RIC3: variants seen among roughly 807,000 people sequenced by gnomAD.
RIC3 encodes RIC3 acetylcholine receptor chaperone.
RIC3 carries 28 observed loss-of-function variants against 27.3 expected under a neutral mutation model. The ratio of observed to expected loss-of-function variants is 1.02; its 90% CI spans 0.76 to 1.41. The LOEUF (loss-of-function observed/expected upper bound fraction) is 1.41, where lower values mean the gene tolerates loss of function less well. Ranked by LOEUF, RIC3 falls within the 40% of genes most tolerant of loss-of-function variation. RIC3 has a pLI of 0.00. For missense variants in RIC3, 501 were observed against 444.7 expected (o/e 1.13, Z -1.14); for synonymous variants, 184 against 160.4 (o/e 1.15, Z -1.11).
chr11:8,136,661 G>T (rs868099514), intron 4 of RIC3, among the ~76,000 whole-genome samples: 1 of 152,146 alleles, frequency 6.6e-6, no homozygotes, highest in Non-Finnish European at 1.5e-5. Context: ...TGGCACAGTC[G>T]ACACAAACAT....
At chr11:8,154,325 A>G (rs770249676) in intron 1 of RIC3, among the ~76,000 whole-genome samples, 5 of 152,236 alleles carry the variant, frequency 3.3e-5, no homozygotes, top group Non-Finnish European at 4.4e-5. Context: ...TAAACAATAT[A>G]TAAGCATCTA....
At chr11:8,116,703 A>G (rs901733090) in intron 5 of RIC3, among the ~76,000 whole-genome samples, 7 of 152,240 alleles carry the variant, frequency 4.6e-5, no homozygotes, top group Non-Finnish European at 1.0e-4. Flanking sequence ...AATTTAAACC[A>G]CAATATCACC....
rs534652055 is a variant in RIC3 at position 8,119,432 on chromosome 11, C to A, written c.670+7227G>T. 5.9e-5 allele frequency among the ~76,000 whole-genome samples: 9 copies of A among 152,250 alleles called. No homozygotes were observed. The South Asian group carries it at 1.9e-3, about 32-fold the overall frequency. ...TGATCTTTGACAAACCTGACAAAAA[C>A]AAGAAACGGGGAAAGCATTCCCTAT... On this transcript the variant is annotated intron_variant, in intron 5 of 5. Coordinates refer to ENST00000309737, the MANE Select transcript of RIC3 (RefSeq NM_001206671.4).
chr11:8,153,678 T>C (rs999623742), intron 1 of RIC3, among the ~76,000 whole-genome samples: 2 of 152,216 alleles, frequency 1.3e-5, no homozygotes, highest in Non-Finnish European at 2.9e-5. Context: ...AGGAATACAC[T>C]GTAATTTCCA....
chr11:8,131,450 C>T (rs1199735093), intron 4 of RIC3, among the ~76,000 whole-genome samples: 2 of 152,214 alleles, frequency 1.3e-5, no homozygotes, highest in Non-Finnish European at 2.9e-5. Context: ...CCATCTTGGA[C>T]ATTCATTCAT....
downstream of RIC3, chr11:8,106,033 G>C (rs950602204): frequency 2.0e-5 from 3 of 151,842 alleles, no homozygotes; most frequent in Non-Finnish European, 4.4e-5. Context: ...TTTTGTTCAA[G>C]ATTATCTGGC....
At chr11:8,156,413 T>A (rs976891974) in intron 1 of RIC3, among the ~76,000 whole-genome samples, 6 of 152,200 alleles carry the variant, frequency 3.9e-5, no homozygotes, top group African/African-American at 1.4e-4. Context: ...GGGCATGATA[T>A]CTACTTTCCA....
At position 8,106,189 on chromosome 11, in the gene RIC3, G is replaced by GTGTT. The variant is rs1398573013; in HGVS notation, c.*4505_*4508dup. ...GACATTATGTATGTTGTAGAATTTA[G>GTGTT]TGTTTGTCTAAGTACACACATATAT... On this transcript the variant is annotated 3_prime_UTR_variant, in exon 6 of 6. Transcript: ENST00000309737. The GTGTT allele has an allele frequency of 6.6e-6, 1 of 151,934 alleles. No individual in the cohort carries two copies. The highest frequency in any genetic ancestry group is 2.4e-5 in the African/African-American group (1 of 41,408). 9.4% of individuals were successfully genotyped at this position (151,934 alleles called of 1,614,324 possible).
At chr11:8,128,141 TC>T (rs1947209853) in intron 4 of RIC3, 2 of 455,938 alleles carry the variant, frequency 4.4e-6, no homozygotes, top group Non-Finnish European at 8.8e-6. Flanking sequence ...TGCTCGTGTG[TC>T]CCACATAACC....
At chr11:8,155,199 G>A (rs1950562084) in intron 1 of RIC3, among the ~76,000 whole-genome samples, 1 of 142,206 alleles carries the variant, frequency 7.0e-6, no homozygotes, top group Non-Finnish European at 1.5e-5. Flanking sequence ...ATCAGCCTGG[G>A]CAACAGGAGA....
At chr11:8,121,936 G>C (rs1482821587) in intron 5 of RIC3, among the ~76,000 whole-genome samples, 2 of 151,866 alleles carry the variant, frequency 1.3e-5, no homozygotes, top group African/African-American at 4.8e-5. Context: ...CAGCATATAA[G>C]AAATAATACA....
chr11:8,152,574 C>T (rs954526124), intron 1 of RIC3, among the ~76,000 whole-genome samples: 3 of 151,982 alleles, frequency 2.0e-5, no homozygotes, highest in African/African-American at 7.3e-5. Context: ...TGGAGGGGTG[C>T]AGAGGAAGGA....
chr11:8,112,430 A>T (rs1005271014), intron 5 of RIC3, among the ~76,000 whole-genome samples: 4 of 151,728 alleles, frequency 2.6e-5, no homozygotes, highest in African/African-American at 7.3e-5. Context: ...AGTAGCTGGG[A>T]TTACAGGTGC....
chr11:8,133,624 G>C (rs1322518935), intron 4 of RIC3, among the ~76,000 whole-genome samples: 10 of 152,152 alleles, frequency 6.6e-5, no homozygotes, highest in Non-Finnish European at 1.2e-4. Context: ...CCACAACTCA[G>C]CATCTTATAA....
At chr11:8,165,747 A>G (rs1235397387) in intron 1 of RIC3, among the ~76,000 whole-genome samples, 5 of 147,768 alleles carry the variant, frequency 3.4e-5, no homozygotes, top group African/African-American at 1.2e-4. Context: ...TCTATGTTCT[A>G]TGAAACCTGT....
chr11:8,099,857 A>G, the RIC3 span, among the ~76,000 whole-genome samples: 6 of 152,216 alleles, frequency 3.9e-5, no homozygotes, highest in African/African-American at 1.2e-4. Context: ...AAAGTCCTGA[A>G]TGCCTGGCAT....
At chr11:8,160,066 A>G (rs1334750275) in intron 1 of RIC3, among the ~76,000 whole-genome samples, 1 of 152,232 alleles carries the variant, frequency 6.6e-6, no homozygotes, top group Admixed American at 6.5e-5. Flanking sequence ...CATGGTGGGA[A>G]AAATTTGAAC....
chr11:8,099,741 A>G, the RIC3 span, among the ~76,000 whole-genome samples: 1 of 152,246 alleles, frequency 6.6e-6, no homozygotes, highest in Non-Finnish European at 1.5e-5. Context: ...GGTATGTGTG[A>G]GAATTTCAGA....
the RIC3 span, chr11:8,094,267 C>T: frequency 1.4e-6 from 2 of 1,478,626 alleles, no homozygotes; most frequent in South Asian, 2.7e-5. Flanking sequence ...GTCCTCCTGA[C>T]TTGGAGGGGA....
Sources: gnomAD v4.1 joint callset for allele counts (sites outside exome capture counted in the v4.1 genomes callset) on GRCh38, gnomAD v4.1.1 for gene constraint, MANE v1.5 for transcripts, NCBI Gene and HGNC (gene_info 2026-07-23, HGNC 2026-07-21) for gene names.